YBEY: variants seen among roughly 807,000 people sequenced by gnomAD.
YBEY encodes the protein endoribonuclease YbeY.
YBEY carries 15 observed loss-of-function variants against 13.5 expected under a neutral mutation model. That is an observed-to-expected ratio of 1.11 (90% CI 0.75 to 1.72). YBEY has a LOEUF of 1.72. YBEY is among the 40% of genes most tolerant of loss of function. YBEY has a pLI of 0.00. For synonymous variants in YBEY, 101 were observed against 83.1 expected (o/e 1.21, Z -1.17); for missense variants, 244 against 208.4 (o/e 1.17, Z -1.05).
chr21:46,295,229 A>G (rs2081911136), intron 3 of YBEY, among the ~76,000 whole-genome samples: 1 of 151,898 alleles, frequency 6.6e-6, no homozygotes, highest in Non-Finnish European at 1.5e-5. Flanking sequence ...GGGCCAGCCC[A>G]CCAGCCCAGG....
the YBEY span, among the ~76,000 whole-genome samples, chr21:46,312,285 C>T: frequency 1.3e-5 from 2 of 152,258 alleles, no homozygotes; most frequent in Non-Finnish European, 2.9e-5. Flanking sequence ...TCCACCAATT[C>T]TGCTTTAATA....
chr21:46,289,507 A>C (rs2081608627), intron 2 of YBEY, among the ~76,000 whole-genome samples: 1 of 146,034 alleles, frequency 6.8e-6, no homozygotes. Context: ...GTGCAATGGC[A>C]CAATCTCGGC....
downstream of YBEY, among the ~76,000 whole-genome samples, chr21:46,299,576 G>A (rs1394348307): frequency 1.3e-5 from 2 of 152,112 alleles, no homozygotes; most frequent in Admixed American, 6.5e-5. Flanking sequence ...CTCCTCACAT[G>A]CCAGGAAGAA....
intron 2 of YBEY, among the ~76,000 whole-genome samples, chr21:46,287,503 A>C (rs2081503019): frequency 6.6e-6 from 1 of 152,086 alleles, no homozygotes; most frequent in South Asian, 2.1e-4. Context: ...ACCCGGCCTA[A>C]ATTTCATGTA....
intron 3 of YBEY, chr21:46,291,854 C>T (rs1411362349): frequency 1.9e-6 from 2 of 1,055,038 alleles, no homozygotes; most frequent in Non-Finnish European, 1.1e-6. Flanking sequence ...ATGGGTTCTT[C>T]CTGCCCACTG....
At chr21:46,303,745 A>ATT in the YBEY span, among the ~76,000 whole-genome samples, 5 of 23,822 alleles carry the variant, frequency 2.1e-4, no homozygotes, top group South Asian at 2.3e-3. Context: ...ATATATATAT[A>ATT]TTTTTTTTTT....
At chr21:46,300,596 T>A (rs1011563152), downstream of YBEY, 2 of 1,148,096 alleles carry the variant, frequency 1.7e-6, no homozygotes, top group African/African-American at 3.2e-5. Context: ...AAGTGAGTGT[T>A]ACTGCCAGTA....
the YBEY span, among the ~76,000 whole-genome samples, chr21:46,305,835 G>A: frequency 4.6e-5 from 7 of 152,070 alleles, no homozygotes; most frequent in African/African-American, 1.2e-4. Context: ...CCAGCTACTC[G>A]GAAGGCTGAG....
Position 46,286,899 on chromosome 21 carries a change from G to T in YBEY, c.-15G>T. 1 of 1,613,664 alleles carries T rather than the reference G, an allele frequency of 6.2e-7. No homozygotes were observed. Among genetic ancestry groups the T allele is most frequent in the Non-Finnish European group, 8.5e-7 (1 of 1,179,820 alleles). ...CGTTGCAAACATTTTTAAAGGGCTG[G>T]TTATTCTTCCTGAAATGAGTTTGGT... On this transcript the variant is annotated 5_prime_UTR_variant, in exon 2 of 5. Transcript: ENST00000397701.
chr21:46,308,625 G>A, the YBEY span, among the ~76,000 whole-genome samples: 1 of 152,048 alleles, frequency 6.6e-6, no homozygotes, highest in African/African-American at 2.4e-5. Flanking sequence ...TCATTACTGT[G>A]GTTGGAACTT....
chr21:46,295,529 G>A (rs1026239084), intron 3 of YBEY, among the ~76,000 whole-genome samples: 1 of 151,898 alleles, frequency 6.6e-6, no homozygotes, highest in South Asian at 2.1e-4. Context: ...GGCTCCATCC[G>A]GGTGCCCCTC....
the YBEY span, among the ~76,000 whole-genome samples, chr21:46,310,805 C>T: frequency 1.3e-5 from 2 of 150,724 alleles, no homozygotes; most frequent in East Asian, 3.9e-4. Context: ...GTAAGACACT[C>T]TCTCTCTCTC....
chr21:46,287,143 C>G lies in YBEY; in HGVS notation c.210+20C>G, dbSNP rs1480296903. ...CATGAGGTAAAAAAAAAATGTTCCT[C>G]TTCTTGTCTAGCCCATCTTCCCAGA... On this transcript the variant is annotated intron_variant, in intron 2 of 4. Transcript: ENST00000397701. 1 of 783,276 alleles carries G rather than the reference C, an allele frequency of 1.3e-6. No homozygotes were observed. Among genetic ancestry groups the G allele is most frequent in the Non-Finnish European group, 1.9e-6 (1 of 516,814 alleles). 48.5% of individuals were successfully genotyped at this position (783,276 alleles called of 1,614,324 possible).
the YBEY span, among the ~76,000 whole-genome samples, chr21:46,306,295 T>A: frequency 2.0e-5 from 3 of 150,866 alleles, no homozygotes; most frequent in East Asian, 3.9e-4. Flanking sequence ...GATCATGAGG[T>A]TCAAGACCAT....
At chr21:46,295,324 C>T (rs1361596272) in intron 3 of YBEY, among the ~76,000 whole-genome samples, 2 of 152,034 alleles carry the variant, frequency 1.3e-5, no homozygotes, top group Non-Finnish European at 2.9e-5. Context: ...GCCTTGTCCT[C>T]CATGTCTCCA....
chr21:46,305,298 G>T, the YBEY span, among the ~76,000 whole-genome samples: 45 of 124,542 alleles, frequency 3.6e-4, no homozygotes, highest in Non-Finnish European at 5.5e-4. Context: ...AAGTTACATG[G>T]TTTTTTTTTT....
chr21:46,306,840 G>T, the YBEY span, among the ~76,000 whole-genome samples: 3 of 151,340 alleles, frequency 2.0e-5, no homozygotes, highest in African/African-American at 7.3e-5. Context: ...CTCCCACCTC[G>T]GCCTCCCAAA....
At chr21:46,295,502 C>G (rs1004701435) in intron 3 of YBEY, among the ~76,000 whole-genome samples, 1 of 152,112 alleles carries the variant, frequency 6.6e-6, no homozygotes, top group Non-Finnish European at 1.5e-5. Context: ...CCTCCTCCTC[C>G]TCTTCCCCCA....
downstream of YBEY, chr21:46,301,062 C>T (rs1011541882): frequency 4.8e-5 from 49 of 1,028,850 alleles, no homozygotes; most frequent in Non-Finnish European, 5.2e-5. Context: ...GAGATTTCTG[C>T]ATTTATAGCA....
Sources: gnomAD v4.1 joint callset for allele counts (sites outside exome capture counted in the v4.1 genomes callset) on GRCh38, gnomAD v4.1.1 for gene constraint, MANE v1.5 for transcripts, NCBI Gene and HGNC (gene_info 2026-07-23, HGNC 2026-07-21) for gene names.